The following PRKG1 variants were observed in gnomAD, a reference collection of about 807,000 sequenced individuals.
The protein encoded by PRKG1 is cGMP-dependent protein kinase 1.
In PRKG1, 35 loss-of-function variants were observed where a neutral mutation model predicts 88.1. The observed-to-expected ratio is 0.40, with a 90% CI of 0.30 to 0.53. The LOEUF (loss-of-function observed/expected upper bound fraction) is 0.53. Among genes scored for constraint, PRKG1 ranks in the 20% least tolerant of loss-of-function variants. PRKG1 has a pLI of 0.59. For missense variants in PRKG1, 540 were observed against 839.8 expected (o/e 0.64, Z 4.41); for synonymous variants, 303 against 292.5 (o/e 1.04, Z -0.37).
intron 2 of PRKG1, among the ~76,000 whole-genome samples, chr10:51,233,698 A>G (rs1838906887): frequency 6.6e-6 from 1 of 152,182 alleles, no homozygotes; most frequent in African/African-American, 2.4e-5. Context: ...TGTGAGAGAG[A>G]TCCTTAATAG....
chr10:51,751,221 C>G (rs955336302), intron 3 of PRKG1, among the ~76,000 whole-genome samples: 1 of 152,084 alleles, frequency 6.6e-6, no homozygotes. Context: ...TTCAGTTCAA[C>G]CGAACTGTTT....
intron 3 of PRKG1, among the ~76,000 whole-genome samples, chr10:51,661,070 G>C (rs970033306): frequency 2.0e-5 from 3 of 151,954 alleles, no homozygotes; most frequent in Admixed American, 1.3e-4. Flanking sequence ...AAAAGTGCTT[G>C]GTTGATTTAG....
chr10:51,163,708 C>T (rs4381319), intron 2 of PRKG1, among the ~76,000 whole-genome samples: 160 of 152,318 alleles, frequency 1.1e-3, no homozygotes, highest in African/African-American at 2.9e-3. Context: ...TGCGCTTTTC[C>T]GACGGGCTTA....
intron 5 of PRKG1, among the ~76,000 whole-genome samples, chr10:51,940,768 T>C (rs781746800): frequency 1.3e-5 from 2 of 151,640 alleles, no homozygotes; most frequent in African/African-American, 2.4e-5. Flanking sequence ...CGTCTTCTTC[T>C]CTCTCTTTTT....
chr10:52,056,902 C>T (rs564023329), intron 6 of PRKG1, among the ~76,000 whole-genome samples: 40 of 152,018 alleles, frequency 2.6e-4, no homozygotes, highest in Non-Finnish European at 5.3e-4. Context: ...GGTCAGCATA[C>T]TTAAGTCCCA....
At chr10:51,113,410 A>G (rs1845025437) in intron 1 of PRKG1, among the ~76,000 whole-genome samples, 1 of 152,106 alleles carries the variant, frequency 6.6e-6, no homozygotes, top group African/African-American at 2.4e-5. Context: ...GTGAATAGTT[A>G]TTATCCCACC....
intron 3 of PRKG1, chr10:51,568,391 A>G (rs760604937): frequency 6.6e-6 from 1 of 151,262 alleles, no homozygotes; most frequent in Non-Finnish European, 1.5e-5. Flanking sequence ...ATTTTTTCAT[A>G]TATTTTTTAA....
At chr10:52,267,386 A>G (rs185715700) in intron 10 of PRKG1, among the ~76,000 whole-genome samples, 184 of 152,190 alleles carry the variant, frequency 1.2e-3, no homozygotes, top group African/African-American at 4.1e-3. Context: ...ATCAGAATCA[A>G]TTAGAAAGAT....
intron 7 of PRKG1, among the ~76,000 whole-genome samples, chr10:52,082,180 G>A (rs1350014435): frequency 6.6e-6 from 1 of 152,114 alleles, no homozygotes; most frequent in Admixed American, 6.6e-5. Context: ...ACTCAGTATC[G>A]AAAGAACAGC....
intron 3 of PRKG1, among the ~76,000 whole-genome samples, chr10:51,673,636 C>T (rs964881808): frequency 3.3e-5 from 5 of 152,132 alleles, no homozygotes; most frequent in African/African-American, 7.2e-5. Context: ...CATCTTGTGA[C>T]CCCACTGTGT....
chr10:52,292,798 A>G (rs1257472801), intron 17 of PRKG1, among the ~76,000 whole-genome samples: 1 of 151,926 alleles, frequency 6.6e-6, no homozygotes, highest in African/African-American at 2.4e-5. Flanking sequence ...ACCCACAGCC[A>G]ATATCATACT....
intron 9 of PRKG1, among the ~76,000 whole-genome samples, chr10:52,179,381 C>G (rs1254773195): frequency 2.0e-5 from 3 of 151,988 alleles, no homozygotes; most frequent in Non-Finnish European, 4.4e-5. Context: ...TGACAGGTCC[C>G]CTCTTCTACT....
intron 1 of PRKG1, among the ~76,000 whole-genome samples, chr10:51,002,587 C>CTGTA (rs1842900603): frequency 6.6e-6 from 1 of 152,154 alleles, no homozygotes; most frequent in South Asian, 2.1e-4. Context: ...GTCTAATGGG[C>CTGTA]TGTACATTTT....
intron 1 of PRKG1, among the ~76,000 whole-genome samples, chr10:50,995,803 G>A (rs1007917636): frequency 2.6e-5 from 4 of 152,256 alleles, no homozygotes; most frequent in East Asian, 1.9e-4. Flanking sequence ...AAAAATAGAC[G>A]TATTCCAGAC....
intron 2 of PRKG1, among the ~76,000 whole-genome samples, chr10:51,242,552 C>G (rs1223103862): frequency 6.6e-6 from 1 of 152,124 alleles, no homozygotes; most frequent in African/African-American, 2.4e-5. Flanking sequence ...CAATGATGTC[C>G]ATTTCGAGGT....
chr10:51,923,870 C>G (rs1275965228), intron 5 of PRKG1, among the ~76,000 whole-genome samples: 1 of 151,586 alleles, frequency 6.6e-6, no homozygotes, highest in Admixed American at 6.6e-5. Context: ...ATTTTGTTGC[C>G]CAGGCTAGAG....
chr10:51,536,144 G>C lies in PRKG1; in HGVS notation c.592+68308G>C, dbSNP rs112515354. 6.0e-3 allele frequency among the ~76,000 whole-genome samples: 920 copies of C among 152,270 alleles called. 10 individuals are homozygous for C. The highest frequency in any genetic ancestry group is 0.02 in the African/African-American group (845 of 41,556). The stretch of plus-strand genomic sequence containing the variant: ...ACAAAGTGATTGTTTTGTGTGGAAA[G>C]AATCATAAAAAGAAGTACAAAACAG... On this transcript the variant is annotated intron_variant, in intron 3 of 17. Transcript: ENST00000373980.
At chr10:51,375,362 A>G (rs1433723940) in intron 2 of PRKG1, among the ~76,000 whole-genome samples, 2 of 152,066 alleles carry the variant, frequency 1.3e-5, no homozygotes, top group Non-Finnish European at 2.9e-5. Flanking sequence ...TTACTGTTAG[A>G]TGCTATGACA....
chr10:51,776,676 T>G (rs569796344), intron 3 of PRKG1, among the ~76,000 whole-genome samples: 2 of 151,888 alleles, frequency 1.3e-5, no homozygotes, highest in Non-Finnish European at 2.9e-5. Context: ...AATACAAAAA[T>G]TAGTCAGGTG....
Sources: gnomAD v4.1 joint callset for allele counts (sites outside exome capture counted in the v4.1 genomes callset) on GRCh38, gnomAD v4.1.1 for gene constraint, MANE v1.5 for transcripts, NCBI Gene and HGNC (gene_info 2026-07-23, HGNC 2026-07-21) for gene names.